RAB8A: variants seen among roughly 807,000 people sequenced by gnomAD.
RAB8A encodes the protein RAB8A, member RAS oncogene family, also known as ras-related protein Rab-8A.
In RAB8A, 5 loss-of-function variants were observed where a neutral mutation model predicts 29.2. The observed-to-expected ratio is 0.17, with a 90% CI of 0.09 to 0.36. The LOEUF is 0.36. RAB8A is among the 10% of genes least tolerant of loss of function. RAB8A has a pLI of 1.00. For synonymous variants in RAB8A, 108 were observed against 99.9 expected, an observed-to-expected ratio of 1.08 and a Z score of -0.49; for missense variants, 171 against 272.2, an observed-to-expected ratio of 0.63 and a Z score of 2.62.
chr19:16,129,720 A>C, intron 7 of RAB8A, 116 bp downstream of exon 7: 1 of 1,011,112 alleles, frequency 9.9e-7, no homozygotes, highest in Non-Finnish European at 1.5e-6. Context: ...GCCAGACCCC[A>C]TGGGACATTG....
In RAB8A at chr19:16,129,598, A is replaced by G. The variant is rs2090916567; in HGVS notation, c.525A>G (p.Lys175=). 4 of 1,613,900 alleles carry G rather than the reference A, an allele frequency of 2.5e-6. No individual in the cohort carries two copies. Among genetic ancestry groups the G allele is most frequent in the Non-Finnish European group, 3.4e-6 (4 of 1,179,992 alleles). Residue 175 remains lysine, a synonymous_variant, in exon 7 of 8, where the codon AAA becomes AAG. Coordinates refer to ENST00000300935, the MANE Select transcript of RAB8A (RefSeq NM_005370.5). The stretch of plus-strand genomic sequence containing the variant: ...GAGATATCAAAGCAAAAATGGACAA[A>G]AAATTGGTGAGTGTGTGTCCTTCCG... ...LARDIKAKMD[K]KLEGNSPQGS...
At chr19:16,118,336 G>A (rs767040494) in intron 2 of RAB8A, 50 bp downstream of exon 2, 2 of 1,555,678 alleles carry the variant, frequency 1.3e-6, no homozygotes, top group Non-Finnish European at 1.8e-6. Context: ...ATGGCTTCAA[G>A]CCAGAAGCCC....
chr19:16,121,222 G>C (rs1223872808), intron 2 of RAB8A, among the ~76,000 whole-genome samples: 2 of 152,094 alleles, frequency 1.3e-5, no homozygotes, highest in Non-Finnish European at 2.9e-5. Flanking sequence ...CGGCCAGTTA[G>C]GTTACCTACC....
At position 16,129,621 on chromosome 19, in the gene RAB8A, C is replaced by G. The variant is rs773861514; in HGVS notation, c.531+17C>G. ...AAAAAATTGGTGAGTGTGTGTCCTT[C>G]CGAGATCCCCGGGTGGATCTCTGGG... On this transcript the variant is annotated intron_variant, in intron 7 of 7. Transcript: ENST00000300935. 1.4e-5 allele frequency: 22 copies of G among 1,612,516 alleles called. No homozygotes were observed. The Admixed American group carries it at 2.2e-4, about 16-fold the overall frequency.
In RAB8A at chr19:16,127,895, A is replaced by G. The variant is rs2144995138; in HGVS notation, c.415-131A>G. 1 of 865,438 alleles carries G rather than the reference A, an allele frequency of 1.2e-6. No individual in the cohort carries two copies. Among genetic ancestry groups the G allele is most frequent in the African/African-American group, 1.7e-5 (1 of 60,284 alleles). The allele number at this position is 865,438 out of a possible 1,614,324, so 53.6% of individuals were successfully genotyped here. On this transcript the variant is annotated intron_variant, in intron 5 of 7. Transcript: ENST00000300935. The surrounding 1 kb of genome is among the most constrained non-coding windows in gnomAD (Gnocchi z 4.8). ...ATAGAATTGAGGGAGTGATCCAGGA[A>G]GTCACGCCCACAGCCCCAGCCCTGT...
rs907237403 is a variant in RAB8A at position 16,134,000 on chromosome 19, C to T, written c.*1696C>T. On this transcript the variant is annotated 3_prime_UTR_variant, in exon 8 of 8. Coordinates refer to ENST00000300935, the MANE Select transcript of RAB8A (RefSeq NM_005370.5). ...TAGGGGCCCTCTCCTGGCTGGCTTT[C>T]CAGGGCATTCCTTCCACTCTATCCA... 8 of 152,338 alleles carry T rather than the reference C, an allele frequency of 5.3e-5. No homozygotes were observed. Among genetic ancestry groups the T allele is most frequent in the Non-Finnish European group, 7.3e-5 (5 of 68,166 alleles). The allele number at this position is 152,338 out of a possible 1,614,324, so 9.4% of individuals were successfully genotyped here. A position where few individuals can be genotyped will look rare whatever the true frequency, so the allele number is the denominator to read the frequency against.
chr19:16,120,727 C>T (rs575520583), intron 2 of RAB8A, among the ~76,000 whole-genome samples: 8 of 151,626 alleles, frequency 5.3e-5, no homozygotes, highest in South Asian at 2.1e-4. Context: ...TGTTGTGTCT[C>T]GGCCTCCTAA....
intron 1 of RAB8A, among the ~76,000 whole-genome samples, chr19:16,114,202 A>T (rs1297964357): frequency 6.6e-6 from 1 of 151,986 alleles, no homozygotes; most frequent in Non-Finnish European, 1.5e-5. Flanking sequence ...CCAGGAGGTC[A>T]AGGTGCAGTG....
Position 16,127,919 on chromosome 19 carries a change from G to A in RAB8A, c.415-107G>A, listed in dbSNP as rs1361307332. 1 of 1,154,786 alleles carries A rather than the reference G, an allele frequency of 8.7e-7. No individual in the cohort carries two copies. The highest frequency in any genetic ancestry group is 1.3e-6 in the Non-Finnish European group (1 of 770,408). The allele number at this position is 1,154,786 out of a possible 1,614,324, so 71.5% of individuals were successfully genotyped here. On this transcript the variant is annotated intron_variant, in intron 5 of 7. Transcript: ENST00000300935. The surrounding 1 kb of genome is among the most constrained non-coding windows in gnomAD (Gnocchi z 4.8). The stretch of plus-strand genomic sequence containing the variant: ...AAGTCACGCCCACAGCCCCAGCCCT[G>A]TTGCTGCTCCCTCTTGGCGCCGGCC...
chr19:16,127,536 G>A lies in RAB8A; in HGVS notation c.414+10G>A. The stretch of plus-strand genomic sequence containing the variant: ...GGAACGGGGAGAAAAGGTGGGCATG[G>A]TGGCACAAGGGGCAGAGGGCCTCGG... On this transcript the variant is annotated intron_variant, in intron 5 of 7. Transcript: ENST00000300935. The surrounding 1 kb of genome is among the most constrained non-coding windows in gnomAD (Gnocchi z 4.8). The A allele has an allele frequency of 1.3e-6, 2 of 1,514,496 alleles. No homozygotes were observed. Among genetic ancestry groups the A allele is most frequent in the Non-Finnish European group, 1.8e-6 (2 of 1,132,160 alleles). The allele number at this position is 1,514,496 out of a possible 1,614,324, so 93.8% of individuals were successfully genotyped here.
intron 1 of RAB8A, among the ~76,000 whole-genome samples, chr19:16,114,371 C>A (rs2090837055): frequency 7.0e-6 from 1 of 142,338 alleles, no homozygotes; most frequent in Non-Finnish European, 1.5e-5. Context: ...CCCCACAAAC[C>A]CCCCTCTTTT....
intron 7 of RAB8A, 53 bp downstream of exon 7, chr19:16,129,657 C>T (rs1425227786): frequency 8.3e-6 from 13 of 1,568,516 alleles, no homozygotes; most frequent in East Asian, 2.2e-5. Context: ...ATCCAGCCAT[C>T]GTCGTTAGCA....
At chr19:16,121,831 T>G in intron 3 of RAB8A, 21 bp downstream of exon 3, 2 of 1,601,432 alleles carry the variant, frequency 1.2e-6, no homozygotes, top group East Asian at 2.2e-5. Context: ...TTTGTTTGGT[T>G]GTTTTTATCT....
In RAB8A at chr19:16,132,007, G is replaced by C. The variant is rs530401256; in HGVS notation, c.532-205G>C. Among the ~76,000 whole-genome samples the C allele has an allele frequency of 6.6e-6, 1 of 151,630 alleles. No individual in the cohort carries two copies. Among genetic ancestry groups the C allele is most frequent in the Admixed American group, 6.6e-5 (1 of 15,202 alleles). On this transcript the variant is annotated intron_variant, in intron 7 of 7. Coordinates refer to ENST00000300935, the MANE Select transcript of RAB8A (RefSeq NM_005370.5). The surrounding 1 kb of genome is among the most constrained non-coding windows in gnomAD (Gnocchi z 5.6). The stretch of plus-strand genomic sequence containing the variant: ...ATGGTAATGGATGGATGACCTGGCA[G>C]ATGATGGATGGATGGTTGGATGGCT...
intron 6 of RAB8A, among the ~76,000 whole-genome samples, chr19:16,128,977 GACAGCAGCTC>G (rs1487736301): frequency 7.9e-5 from 12 of 152,190 alleles, no homozygotes; most frequent in African/African-American, 2.9e-4. Flanking sequence ...TCAAGGCTGT[GACAGCAGCTC>G]AACCCTTGGC....
At position 16,133,759 on chromosome 19, in the gene RAB8A, C is replaced by A. The variant is rs2090941239; in HGVS notation, c.*1455C>A. On this transcript the variant is annotated 3_prime_UTR_variant, in exon 8 of 8. Transcript: ENST00000300935. ...CGAGCGGCCACCTCAGAGGAGATGC[C>A]ACCCATCATCAAAAGACTAAATTGG... 1 of 152,380 alleles carries A rather than the reference C, an allele frequency of 6.6e-6. No homozygotes were observed. Among genetic ancestry groups the A allele is most frequent in the African/African-American group, 2.4e-5 (1 of 41,448 alleles). 9.4% of individuals were successfully genotyped at this position (152,380 alleles called of 1,614,324 possible).
In RAB8A at chr19:16,127,038, C is replaced by T. The variant is rs1262917265; in HGVS notation, c.325-399C>T. 1 of 159,240 alleles carries T rather than the reference C, an allele frequency of 6.3e-6. No homozygotes were observed. The highest frequency in any genetic ancestry group is 1.4e-5 in the Non-Finnish European group (1 of 73,014). 9.9% of individuals were successfully genotyped at this position (159,240 alleles called of 1,614,324 possible). ...GTCAAAGCAGAAGGTCCCAGGACAACAGCTGGGGCCTCTTGCAGAGGAGCC... is the reference window on the plus strand; with the variant it reads ...GTCAAAGCAGAAGGTCCCAGGACAATAGCTGGGGCCTCTTGCAGAGGAGCC... On this transcript the variant is annotated intron_variant, in intron 4 of 7. Transcript: ENST00000300935. This position sits in a 1 kb window ranked among gnomAD's most constrained non-coding sequence, Gnocchi z 4.8.
Position 16,127,050 on chromosome 19 carries a change from C to T in RAB8A, c.325-387C>T. ...GGTCCCAGGACAACAGCTGGGGCCT[C>T]TTGCAGAGGAGCCAGGGAGGGAAGG... On this transcript the variant is annotated intron_variant, in intron 4 of 7. Coordinates refer to ENST00000300935, the MANE Select transcript of RAB8A (RefSeq NM_005370.5). The surrounding 1 kb of genome is among the most constrained non-coding windows in gnomAD (Gnocchi z 4.8). The T allele has an allele frequency of 6.2e-6, 1 of 162,078 alleles. No individual in the cohort carries two copies. Among genetic ancestry groups the T allele is most frequent in the Non-Finnish European group, 1.3e-5 (1 of 74,700 alleles). 10.0% of individuals were successfully genotyped at this position (162,078 alleles called of 1,614,324 possible).
At chr19:16,128,124 C>T in intron 6 of RAB8A, 33 bp downstream of exon 6, 1 of 1,607,222 alleles carries the variant, frequency 6.2e-7, no homozygotes, top group African/African-American at 1.3e-5. Context: ...AGACATGGGG[C>T]CTGCAGGATC....
Sources: gnomAD v4.1 joint callset for allele counts (sites outside exome capture counted in the v4.1 genomes callset) on GRCh38, gnomAD v4.1.1 for gene constraint, Gnocchi (gnomAD v3.1) non-coding constraint, MANE v1.5 for transcripts, NCBI Gene and HGNC (gene_info 2026-07-23, HGNC 2026-07-21) for gene names.